The following TRIM44 variants were observed in gnomAD, a reference collection of about 807,000 sequenced individuals.
TRIM44 encodes the protein tripartite motif containing 44, also known as tripartite motif-containing protein 44.
In TRIM44, 13 loss-of-function variants were observed where a neutral mutation model predicts 37.4. The ratio of observed to expected loss-of-function variants is 0.35; its 90% confidence interval spans 0.23 to 0.55. The LOEUF (loss-of-function observed/expected upper bound fraction) is 0.55, where lower values mean the gene tolerates loss of function less well. Among genes scored for constraint, TRIM44 ranks in the 20% least tolerant of loss-of-function variants. The pLI is 0.89. For synonymous variants in TRIM44, 175 were observed against 157.2 expected (o/e 1.11, Z -0.85); for missense variants, 426 against 437.2 (o/e 0.97, Z 0.23).
intron 4 of TRIM44, among the ~76,000 whole-genome samples, chr11:35,735,724 G>A (rs1852319753): frequency 1.3e-5 from 2 of 152,072 alleles, no homozygotes; most frequent in South Asian, 2.1e-4. Context: ...AAATGGTAAT[G>A]TAGTATCATT....
Position 35,762,118 on chromosome 11 carries a change from T to G in TRIM44, c.1007+26673T>G, listed in dbSNP as rs10501141. 0.014 allele frequency among the ~76,000 whole-genome samples: 2,106 copies of G among 152,304 alleles called. 115 individuals carry two copies. The East Asian group carries it at 0.14, about 10-fold the overall frequency. On this transcript the variant is annotated intron_variant, in intron 4 of 4. Coordinates refer to ENST00000299413, the MANE Select transcript of TRIM44 (RefSeq NM_017583.6). ...GAGAACAGTGGACTGTCTGAGCCAG[T>G]GACCGTGCAGGCTGCTCTCTGGAAA...
intron 2 of TRIM44, among the ~76,000 whole-genome samples, chr11:35,714,535 A>G (rs1852015748): frequency 6.6e-6 from 1 of 152,096 alleles, no homozygotes; most frequent in Non-Finnish European, 1.5e-5. Context: ...CCCTTTCCTG[A>G]GTATTTGTGG....
At chr11:35,760,204 C>T (rs1852704083) in intron 4 of TRIM44, among the ~76,000 whole-genome samples, 1 of 152,196 alleles carries the variant, frequency 6.6e-6, no homozygotes, top group African/African-American at 2.4e-5. Flanking sequence ...AGGTGCCCCT[C>T]CCCCAGCCTC....
chr11:35,687,017 C>T (rs1851589795), intron 2 of TRIM44, among the ~76,000 whole-genome samples: 1 of 152,202 alleles, frequency 6.6e-6, no homozygotes. Context: ...TTTCTTCCTA[C>T]TTTATTGATA....
Position 35,663,542 on chromosome 11 carries a change from A to T in TRIM44, c.431A>T (p.Asp144Val), listed in dbSNP as rs748884804. ...GAGCAAGAAAGCGAGGCCGAAGAAG[A>T]CAACCAAGAAGAAGGGGAATCCGAG... Reference protein sequence around the residue: ...EDEQESEAEEDNQEEGESEAE... With the variant: ...EDEQESEAEEVNQEEGESEAE... Residue 144 changes from aspartate (D) to valine (V), a missense_variant, in exon 1 of 5, where the codon GAC (aspartate) becomes GTC (valine). Transcript: ENST00000299413. The T allele has an allele frequency of 1.2e-6, 2 of 1,612,432 alleles. No individual in the cohort carries two copies. The highest frequency in any genetic ancestry group is 1.7e-6 in the Non-Finnish European group (2 of 1,179,136).
Position 35,813,290 on chromosome 11 carries a change from A to C in TRIM44, c.*6905A>C, listed in dbSNP as rs1029088139. On this transcript the variant is annotated 3_prime_UTR_variant, in exon 5 of 5. Transcript: ENST00000299413. ...CTAAACCAGTGGTTTGACAATGAGT[A>C]ACTGAGACAGAACTAGAAAAATCTA... 19 of 152,214 alleles carry C rather than the reference A, an allele frequency of 1.2e-4. No individual in the cohort carries two copies. The highest frequency in any genetic ancestry group is 4.6e-4 in the African/African-American group (19 of 41,474). 9.4% of individuals were successfully genotyped at this position (152,214 alleles called of 1,614,324 possible).
intron 2 of TRIM44, among the ~76,000 whole-genome samples, chr11:35,703,738 C>T (rs1305086347): frequency 1.3e-5 from 2 of 152,146 alleles, no homozygotes; most frequent in African/African-American, 4.8e-5. Flanking sequence ...ACAGAAAGGA[C>T]ATCCACACCA....
intron 4 of TRIM44, among the ~76,000 whole-genome samples, chr11:35,778,069 T>C (rs780027479): frequency 5.9e-5 from 9 of 152,236 alleles, no homozygotes; most frequent in Non-Finnish European, 1.0e-4. Flanking sequence ...TTGGTTCCAT[T>C]CTCCCCATCA....
intron 4 of TRIM44, among the ~76,000 whole-genome samples, chr11:35,779,599 T>G (rs1007186118): frequency 1.3e-5 from 2 of 152,170 alleles, no homozygotes; most frequent in Non-Finnish European, 2.9e-5. Context: ...CAAAAGCTCT[T>G]TAGTTTAATT....
intron 4 of TRIM44, among the ~76,000 whole-genome samples, chr11:35,740,673 T>G (rs565063044): frequency 1.3e-5 from 2 of 152,326 alleles, no homozygotes; most frequent in Admixed American, 1.3e-4. Context: ...TTTTTGATTC[T>G]GTCTGTGACT....
chr11:35,740,312 G>A (rs1204446171), intron 4 of TRIM44, among the ~76,000 whole-genome samples: 1 of 152,068 alleles, frequency 6.6e-6, no homozygotes, highest in East Asian at 1.9e-4. Flanking sequence ...AGAGGGGGTG[G>A]CAATAGGATC....
intron 2 of TRIM44, 147 bp downstream of exon 2, chr11:35,685,483 T>A (rs1236792324): frequency 1.2e-5 from 8 of 654,906 alleles, no homozygotes; most frequent in Non-Finnish European, 2.1e-5. Flanking sequence ...TGTCCTGATA[T>A]GCCTAGAGAT....
rs183266760 is a variant in TRIM44, at chr11:35,691,800, A to G, written c.747+6464A>G. On this transcript the variant is annotated intron_variant, in intron 2 of 4. Transcript: ENST00000299413. ...GTTGGGACTATAGGCGCCCGCCACC[A>G]TGCCCAGCTAATTTTTTTGTATTTT... is the stretch of plus-strand genomic sequence containing the variant. 2.8e-4 allele frequency among the ~76,000 whole-genome samples: 43 copies of G among 152,158 alleles called. 1 individual carries two copies. In the East Asian group the frequency reaches 8.3e-3, roughly 29 times the overall value.
rs1418335804 is a variant in TRIM44 at position 35,814,049 on chromosome 11, A to G, written c.*7664A>G. 6.6e-6 allele frequency: 1 copy of G among 152,218 alleles called. No homozygotes were observed. The highest frequency in any genetic ancestry group is 1.5e-5 in the Non-Finnish European group (1 of 68,036). 9.4% of individuals were successfully genotyped at this position (152,218 alleles called of 1,614,324 possible). A position where few individuals can be genotyped will look rare whatever the true frequency, so the allele number is the denominator to read the frequency against. Reference sequence around the variant, plus strand: ...TTCTGTTACAACAAATACTGCTACCATAAAAGTCACTTAAGCATCCCTGTT... The same window carrying G: ...TTCTGTTACAACAAATACTGCTACCGTAAAAGTCACTTAAGCATCCCTGTT... On this transcript the variant is annotated 3_prime_UTR_variant, in exon 5 of 5. Coordinates refer to ENST00000299413, the MANE Select transcript of TRIM44 (RefSeq NM_017583.6).
chr11:35,693,010 C>T (rs1851654859), intron 2 of TRIM44, among the ~76,000 whole-genome samples: 1 of 152,004 alleles, frequency 6.6e-6, no homozygotes, highest in African/African-American at 2.4e-5. Flanking sequence ...AGTTGGGCAG[C>T]CCCCCAGAAT....
chr11:35,759,218 T>G (rs1217315516), intron 4 of TRIM44, among the ~76,000 whole-genome samples: 1 of 152,238 alleles, frequency 6.6e-6, no homozygotes, highest in Non-Finnish European at 1.5e-5. Context: ...CTTTTTTCTC[T>G]AAACTTCTCT....
intron 2 of TRIM44, among the ~76,000 whole-genome samples, chr11:35,691,835 C>T (rs1851639891): frequency 6.6e-6 from 1 of 151,938 alleles, no homozygotes; most frequent in African/African-American, 2.4e-5. Flanking sequence ...TTAGTAGAGA[C>T]GGGGTTTCAC....
chr11:35,753,055 G>A (rs1852578277), intron 4 of TRIM44, among the ~76,000 whole-genome samples: 1 of 152,102 alleles, frequency 6.6e-6, no homozygotes, highest in South Asian at 2.1e-4. Flanking sequence ...TTTTCTAAGT[G>A]CAGAAAACCC....
rs1369186115 is a variant in TRIM44, at chr11:35,799,149, C to T, written c.1008-7209C>T. On this transcript the variant is annotated intron_variant, in intron 4 of 4. Coordinates refer to ENST00000299413, the MANE Select transcript of TRIM44 (RefSeq NM_017583.6). ...CCTGTTACTTCCGTTCAGTCACCTC[C>T]CTATTGCAGGGCACTGCCTGGGCAG... Among the ~76,000 whole-genome samples, 5 of 152,372 alleles carry T rather than the reference C, an allele frequency of 3.3e-5. No homozygotes were observed. In the East Asian group the frequency reaches 9.6e-4, roughly 29 times the overall value.
Sources: allele counts gnomAD v4.1 joint callset (sites outside exome capture counted in the v4.1 genomes callset), GRCh38; gene constraint gnomAD v4.1.1; transcripts MANE v1.5; gene names NCBI Gene and HGNC (gene_info 2026-07-23, HGNC 2026-07-21).